ANK3: variants seen among roughly 807,000 people sequenced by gnomAD.
ANK3 encodes ankyrin-3.
A neutral mutation model predicts 370.9 loss-of-function variants in ANK3; 57 were observed. That is an observed-to-expected ratio of 0.15 (90% CI 0.12 to 0.19). The LOEUF (loss-of-function observed/expected upper bound fraction) is 0.19. Among genes scored for constraint, ANK3 ranks in the 10% least tolerant of loss-of-function variants. The pLI is 1.00. For synonymous variants in ANK3, 1,929 were observed against 1,946.3 expected, an observed-to-expected ratio of 0.99 and a Z score of 0.23; for missense variants, 4,439 against 5,302.1, an observed-to-expected ratio of 0.84 and a Z score of 5.06.
intron 2 of ANK3, among the ~76,000 whole-genome samples, chr10:60,395,620 C>CTTTCTTTCTTTCTT (rs57944792): frequency 3.4e-4 from 11 of 32,640 alleles, no homozygotes; most frequent in Middle Eastern, 0.014. Flanking sequence ...CTCTTTCGTT[C>CTTTCTTTCTTTCTT]TCTCTCTCTC....
rs117687264 is a variant in ANK3 at position 60,360,030 on chromosome 10, T to A, written c.114+29395A>T. On this transcript the variant is annotated intron_variant, in intron 1 of 43. Coordinates refer to ENST00000280772, the MANE Select transcript of ANK3 (RefSeq NM_020987.5). ...TGAACTAGTATAATAAAATAGTACATTAACTGATTCCTAAAAGATATCTAA... is the reference window on the plus strand; with the variant it reads ...TGAACTAGTATAATAAAATAGTACAATAACTGATTCCTAAAAGATATCTAA... Among the ~76,000 whole-genome samples the A allele has an allele frequency of 1.5e-4, 23 of 152,318 alleles. No individual in the cohort carries two copies. In the East Asian group the frequency reaches 4.4e-3, roughly 29 times the overall value.
At chr10:60,291,864 C>G (rs368537964) in intron 1 of ANK3, among the ~76,000 whole-genome samples, 5 of 152,078 alleles carry the variant, frequency 3.3e-5, no homozygotes, top group African/African-American at 1.2e-4. Flanking sequence ...AGGTACAGAC[C>G]GCCACGCCTG....
intron 2 of ANK3, among the ~76,000 whole-genome samples, chr10:60,474,541 A>T (rs1020964299): frequency 6.6e-6 from 1 of 152,230 alleles, no homozygotes. Context: ...AACTTAAAAA[A>T]GATGTGCAAT....
chr10:60,186,497 T>C, intron 17 of ANK3: 2 of 611,560 alleles, frequency 3.3e-6, no homozygotes, highest in Non-Finnish European at 6.0e-6. Flanking sequence ...ATTAAATGCC[T>C]GAGCCAGAGC....
At chr10:60,453,132 C>A (rs1312145733) in intron 2 of ANK3, among the ~76,000 whole-genome samples, 1 of 152,190 alleles carries the variant, frequency 6.6e-6, no homozygotes, top group Non-Finnish European at 1.5e-5. Flanking sequence ...GAATTTGAAT[C>A]TCAGTTCCAG....
intron 1 of ANK3, among the ~76,000 whole-genome samples, chr10:60,662,752 A>G (rs2078950740): frequency 6.6e-6 from 1 of 152,156 alleles, no homozygotes; most frequent in Non-Finnish European, 1.5e-5. Flanking sequence ...TCTTCACTAC[A>G]TTATCCCGAG....
chr10:60,451,470 C>T (rs920957042), intron 2 of ANK3, among the ~76,000 whole-genome samples: 2 of 152,158 alleles, frequency 1.3e-5, no homozygotes, highest in Admixed American at 6.6e-5. Context: ...TAGTGCTCAG[C>T]TTATTTCACA....
intron 1 of ANK3, among the ~76,000 whole-genome samples, chr10:60,302,871 C>A (rs2044138794): frequency 6.6e-6 from 1 of 150,712 alleles, no homozygotes; most frequent in Non-Finnish European, 1.5e-5. Context: ...CAATTTAGAA[C>A]AATGGGACAG....
intron 23 of ANK3, among the ~76,000 whole-genome samples, chr10:60,152,808 C>G (rs547660961): frequency 6.6e-6 from 1 of 152,238 alleles, no homozygotes; most frequent in Non-Finnish European, 1.5e-5. Flanking sequence ...CCACATCCCC[C>G]ACCCCAAACA....
In ANK3 at chr10:60,237,109, C is replaced by T. The variant is rs147632662; in HGVS notation, c.799-2323G>A. On this transcript the variant is annotated intron_variant, in intron 7 of 43. Coordinates refer to ENST00000280772, the MANE Select transcript of ANK3 (RefSeq NM_020987.5). ...ACAAAAGAGGAAGTGAAACTATAGG[C>T]TGTGCCTTTGGGCACGCTGTGGTCT... Among the ~76,000 whole-genome samples, 123 of 152,384 alleles carry T rather than the reference C, an allele frequency of 8.1e-4. 1 individual carries two copies. Among genetic ancestry groups the T allele is most frequent in the African/African-American group, 2.9e-3 (121 of 41,592 alleles).
chr10:60,088,371 A>G lies in ANK3; in HGVS notation c.3329-13T>C. The G allele has an allele frequency of 1.9e-6, 3 of 1,605,638 alleles. No homozygotes were observed. The highest frequency in any genetic ancestry group is 2.6e-6 in the Non-Finnish European group (3 of 1,172,696). ...GGGCTATCAAGTTCTGAAAAGACAA[A>G]TGAAAGAAAATGCCATGAGAATAAG... On this transcript the variant is annotated splice_polypyrimidine_tract_variant and intron_variant, in intron 28 of 43. Transcript: ENST00000280772.
rs150507105 is a variant in ANK3, at chr10:60,363,875, C to T, written c.114+25550G>A. 2.2e-3 allele frequency among the ~76,000 whole-genome samples: 340 copies of T among 151,506 alleles called. 1 individual carries two copies. The highest frequency in any genetic ancestry group is 7.3e-3 in the African/African-American group (299 of 41,194). On this transcript the variant is annotated intron_variant, in intron 1 of 43. Transcript: ENST00000280772. ...AATCCCTTTTCTTATAGAAAAACATCGTAAGTTTTTATAAAAAGATAGGAT... is the reference window on the plus strand; with the variant it reads ...AATCCCTTTTCTTATAGAAAAACATTGTAAGTTTTTATAAAAAGATAGGAT...
At chr10:60,684,605 C>T (rs2079243847) in intron 1 of ANK3, 1 of 1,589,856 alleles carries the variant, frequency 6.3e-7, no homozygotes, top group Non-Finnish European at 8.6e-7. Flanking sequence ...GCTGGAAAGA[C>T]AACTGTCTTA....
chr10:60,105,148 A>C (rs945597234), intron 28 of ANK3, among the ~76,000 whole-genome samples: 2 of 152,158 alleles, frequency 1.3e-5, no homozygotes, highest in Non-Finnish European at 2.9e-5. Context: ...AGTATAAAGG[A>C]AGAATTAGCT....
chr10:60,730,433 T>C (rs2080005738), intron 1 of ANK3, among the ~76,000 whole-genome samples: 1 of 152,196 alleles, frequency 6.6e-6, no homozygotes, highest in African/African-American at 2.4e-5. Context: ...TCTGGGATTA[T>C]AGGCATAAAC....
chr10:60,349,054 G>T (rs1454409523), intron 1 of ANK3, among the ~76,000 whole-genome samples: 4 of 139,576 alleles, frequency 2.9e-5, no homozygotes, highest in African/African-American at 1.0e-4. Flanking sequence ...GTGAGTAAGT[G>T]GTAACAAGAT....
At chr10:60,224,229 G>C (rs963559951) in intron 8 of ANK3, among the ~76,000 whole-genome samples, 1 of 152,084 alleles carries the variant, frequency 6.6e-6, no homozygotes, top group Non-Finnish European at 1.5e-5. Context: ...ATTGCATGGG[G>C]TTAGTAATAT....
chr10:60,252,222 G>T (rs1210044695), intron 7 of ANK3, among the ~76,000 whole-genome samples: 1 of 152,146 alleles, frequency 6.6e-6, no homozygotes, highest in Non-Finnish European at 1.5e-5. Flanking sequence ...ACCACCAGAG[G>T]AAGAAGAGCA....
chr10:60,124,197 G>T (rs146475074), intron 25 of ANK3, among the ~76,000 whole-genome samples: 2 of 152,034 alleles, frequency 1.3e-5, no homozygotes, highest in African/African-American at 4.8e-5. Context: ...TCACTCTGTC[G>T]CCTAGGCTCA....
Sources: gnomAD v4.1 joint callset for allele counts (sites outside exome capture counted in the v4.1 genomes callset) on GRCh38, gnomAD v4.1.1 for gene constraint, MANE v1.5 for transcripts, NCBI Gene and HGNC (gene_info 2026-07-23, HGNC 2026-07-21) for gene names.